GBF1: variants seen among roughly 807,000 people sequenced by gnomAD.
GBF1 encodes the protein Golgi-specific brefeldin A-resistance guanine nucleotide exchange factor 1.
Under a neutral mutation model 210.5 loss-of-function variants are expected in GBF1, and 114 were observed. The observed-to-expected ratio is 0.54, with a 90% CI of 0.47 to 0.63. The LOEUF (loss-of-function observed/expected upper bound fraction) is 0.63. Ranked by LOEUF, GBF1 falls within the 30% of genes least tolerant of loss-of-function variation. GBF1 has a pLI of 0.00. For synonymous variants in GBF1, 850 were observed against 889.2 expected, an observed-to-expected ratio of 0.96 and a Z score of 0.78; for missense variants, 1,851 against 2,357.7, an observed-to-expected ratio of 0.79 and a Z score of 4.45.
chr10:102,349,933 T>G (rs2134736956), intron 4 of GBF1, among the ~76,000 whole-genome samples: 1 of 152,338 alleles, frequency 6.6e-6, no homozygotes, highest in African/African-American at 2.4e-5. Flanking sequence ...CCCTCCTGCC[T>G]ACCCCCCAGC....
In GBF1 at chr10:102,358,614, A is replaced by G; in HGVS notation, c.896A>G (p.Gln299Arg). 6.2e-7 allele frequency: 1 copy of G among 1,613,828 alleles called. No homozygotes were observed. ...STDSGLEFSS[Q>R]TTSKEDLTDL... is the part of the protein sequence containing the mutation. ...GACAGTGGCCTGGAATTCTCCTCCCAAACCACTTCCAAGGAAGACCTTACT... is the reference window on the plus strand; with the variant it reads ...GACAGTGGCCTGGAATTCTCCTCCCGAACCACTTCCAAGGAAGACCTTACT... Residue 299 changes from glutamine to arginine, a missense_variant, in exon 10 of 40, where the codon CAA becomes CGA. Around this residue, in one of 3 missense-constraint regions of GBF1, gnomAD observed 804 missense variants for 958.6 expected, o/e 0.84. Coordinates refer to ENST00000369983, the MANE Select transcript of GBF1 (RefSeq NM_001377137.1).
chr10:102,288,269 T>G (rs1565063594), intron 3 of GBF1, among the ~76,000 whole-genome samples: 1 of 152,206 alleles, frequency 6.6e-6, no homozygotes. Flanking sequence ...TAAAATTTGG[T>G]GCAAATGAAC....
intron 7 of GBF1, 145 bp from the exon 8 acceptor site, chr10:102,353,455 G>A: frequency 1.4e-6 from 1 of 701,004 alleles, no homozygotes; most frequent in Non-Finnish European, 2.6e-6. Context: ...CTCTGAAAAG[G>A]ATGAAATTAG....
chr10:102,294,495 C>T (rs888168059), intron 3 of GBF1, among the ~76,000 whole-genome samples: 3 of 151,834 alleles, frequency 2.0e-5, no homozygotes, highest in Admixed American at 6.6e-5. Context: ...CATTCTCCTG[C>T]CTCAGCCTCC....
At chr10:102,325,267 G>C (rs1315664543) in intron 3 of GBF1, among the ~76,000 whole-genome samples, 1 of 152,138 alleles carries the variant, frequency 6.6e-6, no homozygotes, top group East Asian at 1.9e-4. Flanking sequence ...TGCTGAGAAG[G>C]GCTGGGCCCA....
chr10:102,348,046 C>T (rs2058693154), intron 4 of GBF1, among the ~76,000 whole-genome samples: 1 of 152,188 alleles, frequency 6.6e-6, no homozygotes, highest in South Asian at 2.1e-4. Context: ...AAGCAATTCT[C>T]ATGCCTCAGC....
chr10:102,270,081 T>C (rs2074249765), intron 3 of GBF1, among the ~76,000 whole-genome samples: 1 of 151,884 alleles, frequency 6.6e-6, no homozygotes, highest in Non-Finnish European at 1.5e-5. Context: ...CGTTTCACCA[T>C]GTTAGCCAGG....
rs771058589 is a variant in GBF1 at position 102,344,052 on chromosome 10, A to G, written c.165A>G (p.Glu55=). The G allele has an allele frequency of 3.7e-6, 6 of 1,612,282 alleles. No individual in the cohort carries two copies. In the East Asian group the frequency reaches 1.3e-4, roughly 36 times the overall value. Residue 55 remains glutamate (E), a splice_region_variant and synonymous_variant, in exon 4 of 40, where the codon GAA becomes GAG. Transcript: ENST00000369983. ...TCATTTCTGTGTATTTTCTTGCAGA[A>G]CTCTCAGAAATTGAGCCCAATGTAT... The part of the protein sequence containing the change: ...HLKEVLNSIT[E]LSEIEPNVFL...
intron 3 of GBF1, among the ~76,000 whole-genome samples, chr10:102,312,296 A>C (rs937454292): frequency 4.7e-5 from 5 of 107,448 alleles, no homozygotes; most frequent in African/African-American, 1.5e-4. Flanking sequence ...TCTGTCTCAG[A>C]AAAAAAAAAA....
intron 10 of GBF1, 41 bp from the exon 11 acceptor site, chr10:102,359,226 G>C (rs41293036): frequency 0.019 from 28,099 of 1,465,650 alleles, 321 homozygotes; most frequent in Middle Eastern, 0.03. Context: ...AGTTGCTCTT[G>C]CCTCATCCCT....
At chr10:102,360,998 G>T in intron 12 of GBF1, 24 bp from the exon 13 acceptor site, 7 of 1,071,680 alleles carry the variant, frequency 6.5e-6, no homozygotes, top group Non-Finnish European at 8.6e-6. Context: ...AAAAACTCAT[G>T]GCCTACCCTG....
At chr10:102,339,028 G>GA (rs1169886095) in intron 3 of GBF1, among the ~76,000 whole-genome samples, 2 of 150,436 alleles carry the variant, frequency 1.3e-5, no homozygotes, top group African/African-American at 2.4e-5. Flanking sequence ...AATGATATTG[G>GA]AAAAAAAAAT....
chr10:102,324,444 C>T (rs1035794019), intron 3 of GBF1, among the ~76,000 whole-genome samples: 1 of 152,140 alleles, frequency 6.6e-6, no homozygotes, highest in African/African-American at 2.4e-5. Flanking sequence ...TTTTACCAGG[C>T]TCCTTTGGGA....
intron 3 of GBF1, among the ~76,000 whole-genome samples, chr10:102,326,181 A>G (rs2056882753): frequency 6.6e-6 from 1 of 152,232 alleles, no homozygotes; most frequent in African/African-American, 2.4e-5. Flanking sequence ...CTCAGGGCCT[A>G]GTATGCAAGT....
chr10:102,360,333 G>A lies in GBF1; in HGVS notation c.1330G>A (p.Val444Ile). Residue 444 changes from valine to isoleucine, a missense_variant, in exon 12 of 40, where the codon GTA becomes ATA. Physicochemically the swap from Val to Ile is conservative, Grantham distance 29. Coordinates refer to ENST00000369983, the MANE Select transcript of GBF1 (RefSeq NM_001377137.1). The part of the protein sequence containing the change: ...LLTVALESAP[V>I]AQCQTLLGLI... The stretch of plus-strand genomic sequence containing the variant: ...GACAGTGGCCCTTGAGTCAGCCCCT[G>A]TAGCCCAGTGCCAGACCCTCTTGGG... The A allele has an allele frequency of 1.2e-6, 2 of 1,613,958 alleles. No individual in the cohort carries two copies. Among genetic ancestry groups the A allele is most frequent in the South Asian group, 1.1e-5 (1 of 91,088 alleles).
chr10:102,372,675 G>T (rs912223553), intron 29 of GBF1, among the ~76,000 whole-genome samples: 2 of 152,194 alleles, frequency 1.3e-5, no homozygotes, highest in African/African-American at 4.8e-5. Context: ...CAGTGGAGGA[G>T]GAATAGCCTT....
At position 102,319,881 on chromosome 10, in the gene GBF1, A is replaced by T. The variant is rs1170294074; in HGVS notation, c.164-24170A>T. ...GTAGCTGGGATTACAGGTGCCTGCC[A>T]CCACGCCCAACTAATTTTTATATTT... On this transcript the variant is annotated intron_variant, in intron 3 of 39. Coordinates refer to ENST00000369983, the MANE Select transcript of GBF1 (RefSeq NM_001377137.1). Among the ~76,000 whole-genome samples the T allele has an allele frequency of 3.3e-5, 5 of 151,422 alleles. No homozygotes were observed. In the South Asian group the frequency reaches 1.0e-3, roughly 32 times the overall value.
At chr10:102,292,157 G>A (rs928129055) in intron 3 of GBF1, among the ~76,000 whole-genome samples, 6 of 152,022 alleles carry the variant, frequency 3.9e-5, no homozygotes, top group Admixed American at 6.6e-5. Context: ...CCAAAGTGCT[G>A]GGATTACAGG....
At chr10:102,260,479 T>C (rs926395541) in intron 3 of GBF1, among the ~76,000 whole-genome samples, 4 of 124,666 alleles carry the variant, frequency 3.2e-5, no homozygotes, top group East Asian at 2.3e-4. Flanking sequence ...CTTTCTTCTT[T>C]TTTTTTTTTT....
Sources: allele counts gnomAD v4.1 joint callset (sites outside exome capture counted in the v4.1 genomes callset), GRCh38; gene constraint gnomAD v4.1.1; regional missense constraint gnomAD v4.1.1; transcripts MANE v1.5; gene names NCBI Gene and HGNC (gene_info 2026-07-23, HGNC 2026-07-21).